Variants in PPFIBP2 observed in about 807,000 individuals in gnomAD.
PPFIBP2 encodes liprin-beta-2.
A neutral mutation model predicts 118.3 loss-of-function variants in PPFIBP2; 118 were observed. The ratio of observed to expected loss-of-function variants is 1.00; its 90% confidence interval spans 0.86 to 1.16. PPFIBP2 has a LOEUF of 1.16. PPFIBP2 is among the 50% of genes most tolerant of loss of function. PPFIBP2 has a pLI of 0.00. For missense variants in PPFIBP2, 1,195 were observed against 1,073.1 expected (o/e 1.11, Z -1.59); for synonymous variants, 414 against 397.4 (o/e 1.04, Z -0.50).
chr11:7,529,447 A>G (rs1850494335), intron 1 of PPFIBP2, among the ~76,000 whole-genome samples: 1 of 152,154 alleles, frequency 6.6e-6, no homozygotes, highest in African/African-American at 2.4e-5. Context: ...GGTGTCCCCA[A>G]AGAGTGTGGT....
intron 5 of PPFIBP2, among the ~76,000 whole-genome samples, chr11:7,601,125 C>T (rs1291629340): frequency 6.6e-6 from 1 of 152,202 alleles, no homozygotes; most frequent in African/African-American, 2.4e-5. Context: ...CAATGTCAAC[C>T]TTCCTCCAGG....
intron 1 of PPFIBP2, among the ~76,000 whole-genome samples, chr11:7,534,782 C>T (rs1184812582): frequency 6.6e-6 from 1 of 152,328 alleles, no homozygotes; most frequent in East Asian, 1.9e-4. Flanking sequence ...ATAAGCCAGA[C>T]ACCAATTTAA....
At chr11:7,551,918 A>G (rs1853042346) in intron 2 of PPFIBP2, among the ~76,000 whole-genome samples, 1 of 152,162 alleles carries the variant, frequency 6.6e-6, no homozygotes, top group Admixed American at 6.5e-5. Context: ...ATGTGTGTGG[A>G]GAGAGGGGCC....
intron 15 of PPFIBP2, among the ~76,000 whole-genome samples, chr11:7,640,663 T>C (rs933026567): frequency 2.0e-5 from 3 of 152,182 alleles, no homozygotes; most frequent in Non-Finnish European, 2.9e-5. Context: ...ACACTCAAAC[T>C]GGACTCACTA....
At chr11:7,560,589 C>T (rs1244482445) in intron 2 of PPFIBP2, among the ~76,000 whole-genome samples, 1 of 152,150 alleles carries the variant, frequency 6.6e-6, no homozygotes, top group Non-Finnish European at 1.5e-5. Context: ...AATTAAGATG[C>T]TGCTGAGATT....
At chr11:7,649,413 C>G in intron 20 of PPFIBP2, 119 bp from the exon 21 acceptor site, 1 of 1,388,114 alleles carries the variant, frequency 7.2e-7, no homozygotes, top group Non-Finnish European at 1.0e-6. Context: ...CTATTGGTGT[C>G]TCCACGTGCA....
rs751610855 is a variant in PPFIBP2 at position 7,625,753 on chromosome 11, A to G, written c.712-24A>G. The G allele has an allele frequency of 1.9e-5, 31 of 1,600,678 alleles. No homozygotes were observed. In the South Asian group the frequency reaches 3.0e-4, roughly 15 times the overall value. ...GATTTGGCAGTCCTTCTGACCTGGT[A>G]GGGATCCTCTGTTGCTCTTCCAGGC... On this transcript the variant is annotated intron_variant, in intron 7 of 23. Transcript: ENST00000299492.
chr11:7,593,056 C>T (rs1859634767), intron 3 of PPFIBP2, 76 bp from the exon 4 acceptor site: 1 of 1,569,910 alleles, frequency 6.4e-7, no homozygotes, highest in Non-Finnish European at 8.6e-7. Context: ...TTACATGCAT[C>T]CCTTATTTCA....
chr11:7,650,746 C>T, intron 21 of PPFIBP2, 94 bp from the exon 22 acceptor site: 1 of 1,415,810 alleles, frequency 7.1e-7, no homozygotes, highest in East Asian at 2.4e-5. Flanking sequence ...TGTGATGCGT[C>T]TGGGGCAGGG....
chr11:7,558,219 T>C (rs1277647679), intron 2 of PPFIBP2, among the ~76,000 whole-genome samples: 1 of 152,192 alleles, frequency 6.6e-6, no homozygotes, highest in African/African-American at 2.4e-5. Context: ...TGATTGAGTC[T>C]CCACTATTGC....
At chr11:7,597,937 C>T in intron 5 of PPFIBP2, 3 of 393,660 alleles carry the variant, frequency 7.6e-6, no homozygotes, top group Non-Finnish European at 1.4e-5. Context: ...AGCACTTTCT[C>T]CAGACCTGGT....
chr11:7,593,533 C>A (rs1859737255), intron 4 of PPFIBP2, among the ~76,000 whole-genome samples: 1 of 152,138 alleles, frequency 6.6e-6, no homozygotes, highest in South Asian at 2.1e-4. Context: ...ACAAAATGGG[C>A]CCTGTCCCCC....
Position 7,648,908 on chromosome 11 carries a change from A to C in PPFIBP2, c.1906A>C (p.Thr636Pro). ...TGCACTGCTAGACCACATTTGGGTG[A>C]CAAGTAAGGATAGGCATATATGTAT... is the stretch of plus-strand genomic sequence containing the variant. ...KSALLDHIWV[T>P]RWLDDIGLPQ... The change falls in exon 19 of 24, where the codon ACA becomes CCA. Residue 636 changes from threonine to proline, a missense_variant. Physicochemically the swap from Thr to Pro is conservative, Grantham distance 38. Transcript: ENST00000299492. 6.2e-7 allele frequency: 1 copy of C among 1,611,792 alleles called. No homozygotes were observed. The highest frequency in any genetic ancestry group is 8.5e-7 in the Non-Finnish European group (1 of 1,177,898).
At chr11:7,517,895 C>T (rs554059636) in intron 1 of PPFIBP2, among the ~76,000 whole-genome samples, 4 of 152,196 alleles carry the variant, frequency 2.6e-5, no homozygotes, top group Non-Finnish European at 4.4e-5. Context: ...GCGGTCCCTG[C>T]AGGGGCCGCT....
intron 1 of PPFIBP2, among the ~76,000 whole-genome samples, chr11:7,541,761 A>C (rs11041433): frequency 0.39 from 58,989 of 151,902 alleles, 12,148 homozygotes; most frequent in African/African-American, 0.53. Flanking sequence ...CTAGGTGTCT[A>C]TAGGCCTCTT....
chr11:7,605,340 A>C (rs1362546007), intron 5 of PPFIBP2, among the ~76,000 whole-genome samples: 1 of 152,246 alleles, frequency 6.6e-6, no homozygotes, highest in Non-Finnish European at 1.5e-5. Flanking sequence ...TTTGAGGAGA[A>C]GAGGGAGACA....
intron 3 of PPFIBP2, among the ~76,000 whole-genome samples, chr11:7,591,916 AG>A (rs1187873873): frequency 6.6e-6 from 1 of 152,184 alleles, no homozygotes; most frequent in Non-Finnish European, 1.5e-5. Context: ...GAGGGGAGGA[AG>A]GAGGTGCCTT....
chr11:7,634,633 C>G (rs994312926), intron 13 of PPFIBP2, 81 bp downstream of exon 13: 1 of 1,042,166 alleles, frequency 9.6e-7, no homozygotes, highest in African/African-American at 1.6e-5. Context: ...CAGGCAGGTC[C>G]TGGTCCCTAC....
At chr11:7,644,887 C>T (rs1002755410) in intron 17 of PPFIBP2, among the ~76,000 whole-genome samples, 13 of 150,978 alleles carry the variant, frequency 8.6e-5, no homozygotes, top group East Asian at 3.9e-4. Flanking sequence ...ATTAGCCGGG[C>T]GTGGTGGCGG....
Sources: gnomAD v4.1 joint callset for allele counts (sites outside exome capture counted in the v4.1 genomes callset) on GRCh38, gnomAD v4.1.1 for gene constraint, MANE v1.5 for transcripts, NCBI Gene and HGNC (gene_info 2026-07-23, HGNC 2026-07-21) for gene names.